CRYBA1: variants seen among roughly 807,000 people sequenced by gnomAD.
The protein encoded by CRYBA1 is crystallin beta A1, also known as beta-crystallin A3.
Under a neutral mutation model 36.2 loss-of-function variants are expected in CRYBA1, and 25 were observed. That is an observed-to-expected ratio of 0.69 (90% CI 0.50 to 0.97). The LOEUF (loss-of-function observed/expected upper bound fraction) is 0.97, where lower values mean the gene tolerates loss of function less well. Among genes scored for constraint, CRYBA1 ranks in the 50% least tolerant of loss-of-function variants. The pLI is 0.00. For synonymous variants in CRYBA1, 111 were observed against 90.0 expected, an observed-to-expected ratio of 1.23 and a Z score of -1.32; for missense variants, 224 against 276.3, an observed-to-expected ratio of 0.81 and a Z score of 1.34.
At chr17:29,247,021 A>T in intron 1 of CRYBA1, 127 bp downstream of exon 1, 1 of 1,043,530 alleles carries the variant, frequency 9.6e-7, no homozygotes, top group African/African-American at 1.6e-5. Flanking sequence ...AGAGTGGGGA[A>T]CTCTGGCGGA....
At chr17:29,250,920 A>G (rs906529345) in intron 3 of CRYBA1, among the ~76,000 whole-genome samples, 1 of 152,158 alleles carries the variant, frequency 6.6e-6, no homozygotes, top group African/African-American at 2.4e-5. Context: ...CCTAAGGAAA[A>G]GACTCACCCT....
At chr17:29,251,580 C>T (rs952863132) in intron 3 of CRYBA1, among the ~76,000 whole-genome samples, 1 of 152,202 alleles carries the variant, frequency 6.6e-6, no homozygotes, top group South Asian at 2.1e-4. Context: ...GCAGCCTCCA[C>T]CTCCAAGGCT....
intron 1 of CRYBA1, 61 bp from the exon 2 acceptor site, chr17:29,249,081 A>C: frequency 3.3e-5 from 33 of 1,011,522 alleles, no homozygotes; most frequent in Non-Finnish European, 4.9e-5. Flanking sequence ...CTTTCAAGGC[A>C]TTCCCTCACC....
Position 29,248,698 on chromosome 17 carries a change from G to A in CRYBA1, c.32-444G>A, listed in dbSNP as rs16964939. Among the ~76,000 whole-genome samples, 763 of 151,960 alleles carry A rather than the reference G, an allele frequency of 5.0e-3. 6 individuals are homozygous for A. The highest frequency in any genetic ancestry group is 0.018 in the African/African-American group (749 of 41,494). ...CTGATCCTTACAATAACTGCATGTC[G>A]AAGCTTTACCAATGGAAAAACTGAG... On this transcript the variant is annotated intron_variant, in intron 1 of 5. Transcript: ENST00000225387.
intron 2 of CRYBA1, 33 bp from the exon 3 acceptor site, chr17:29,250,149 C>A: frequency 1.7e-6 from 2 of 1,198,956 alleles, no homozygotes; most frequent in South Asian, 1.2e-5. Context: ...TCCTGATGTT[C>A]TAGCTCTCTT....
chr17:29,252,336 A>C, intron 4 of CRYBA1, 131 bp downstream of exon 4: 1 of 1,294,516 alleles, frequency 7.7e-7, no homozygotes, highest in Non-Finnish European at 1.1e-6. Context: ...GTAAAAAAAG[A>C]GAAAACATCA....
chr17:29,250,903 G>C (rs1245395097), intron 3 of CRYBA1, among the ~76,000 whole-genome samples: 1 of 152,150 alleles, frequency 6.6e-6, no homozygotes, highest in Non-Finnish European at 1.5e-5. Context: ...TCATTAGCCT[G>C]AAAATACCTA....
intron 3 of CRYBA1, 143 bp from the exon 4 acceptor site, chr17:29,251,921 T>C: frequency 9.7e-7 from 1 of 1,035,122 alleles, no homozygotes; most frequent in Non-Finnish European, 1.5e-6. Flanking sequence ...CCTCAACTCT[T>C]GTGACAAATT....
At chr17:29,252,605 C>T (rs8080081) in intron 4 of CRYBA1, among the ~76,000 whole-genome samples, 625 of 116,556 alleles carry the variant, frequency 5.4e-3, no homozygotes, top group Middle Eastern at 0.016. Flanking sequence ...GAATGACTGA[C>T]GAAATAGGCA....
intron 1 of CRYBA1, among the ~76,000 whole-genome samples, chr17:29,248,625 A>C (rs2068916232): frequency 6.7e-6 from 1 of 149,672 alleles, no homozygotes; most frequent in Non-Finnish European, 1.5e-5. Context: ...TTGGCCTCCC[A>C]AAGTGCTGGG....
At chr17:29,249,075 C>G (rs773787929) in intron 1 of CRYBA1, 67 bp from the exon 2 acceptor site, 112 of 1,039,098 alleles carry the variant, frequency 1.1e-4, no homozygotes, top group Non-Finnish European at 1.6e-4. Flanking sequence ...CTTTACCTTT[C>G]AAGGCATTCC....
chr17:29,251,534 C>T (rs1481257369), intron 3 of CRYBA1, among the ~76,000 whole-genome samples: 1 of 151,912 alleles, frequency 6.6e-6, no homozygotes, highest in East Asian at 1.9e-4. Flanking sequence ...ACTCTGTTGC[C>T]CAGGCTGGAG....
At chr17:29,248,116 CA>C (rs561299746) in intron 1 of CRYBA1, among the ~76,000 whole-genome samples, 287 of 129,878 alleles carry the variant, frequency 2.2e-3, no homozygotes, top group Middle Eastern at 3.8e-3. Context: ...AACTCTATCT[CA>C]AAAAAAAAAA....
chr17:29,253,811 C>T (rs1372045046), intron 5 of CRYBA1, 29 bp downstream of exon 5: 2 of 1,613,458 alleles, frequency 1.2e-6, no homozygotes, highest in South Asian at 1.1e-5. Flanking sequence ...TTGGAATATA[C>T]TTCAAAGTAA....
intron 3 of CRYBA1, among the ~76,000 whole-genome samples, chr17:29,250,994 A>G (rs1012737923): frequency 6.6e-6 from 1 of 152,222 alleles, no homozygotes; most frequent in African/African-American, 2.4e-5. Flanking sequence ...ACCAAAATTA[A>G]GCTCTTCAGT....
intron 2 of CRYBA1, 76 bp from the exon 3 acceptor site, chr17:29,250,106 T>C: frequency 1.2e-6 from 1 of 849,854 alleles, no homozygotes; most frequent in South Asian, 1.3e-5. Context: ...AGAGTCAGAC[T>C]GAAGTTAAGC....
chr17:29,253,613 C>T (rs980424603), intron 4 of CRYBA1, 27 bp from the exon 5 acceptor site: 1 of 1,598,748 alleles, frequency 6.3e-7, no homozygotes, highest in African/African-American at 1.3e-5. Context: ...TAGTACTAAA[C>T]ATTTTAAAAC....
Position 29,253,693 on chromosome 17 carries a change from C to A in CRYBA1, c.411C>A (p.Arg137=), listed in dbSNP as rs745514521. 13 of 1,613,690 alleles carry A rather than the reference C, an allele frequency of 8.1e-6. No individual in the cohort carries two copies. Among genetic ancestry groups the A allele is most frequent in the Non-Finnish European group, 7.6e-6 (9 of 1,179,728 alleles). Residue 137 remains arginine (R), a synonymous_variant, in exon 5 of 6, where the codon CGC becomes CGA. Transcript: ENST00000225387. The part of the protein sequence containing the change: ...TIFEKENFIG[R]QWEISDDYPS... ...TTGAGAAGGAAAACTTTATTGGACG[C>A]CAGTGGGAGATCTCTGACGACTACC...
At chr17:29,250,432 G>T (rs1047194950) in intron 3 of CRYBA1, 132 bp downstream of exon 3, 53 of 742,900 alleles carry the variant, frequency 7.1e-5, no homozygotes, top group Non-Finnish European at 1.2e-4. Flanking sequence ...GGCCTCGAAA[G>T]AAATCACTAC....
Sources: allele counts gnomAD v4.1 joint callset (sites outside exome capture counted in the v4.1 genomes callset), GRCh38; gene constraint gnomAD v4.1.1; transcripts MANE v1.5; gene names NCBI Gene and HGNC (gene_info 2026-07-23, HGNC 2026-07-21).